The following ABCC1 variants were observed in gnomAD, a reference collection of about 807,000 sequenced individuals.
ABCC1 encodes multidrug resistance-associated protein 1.
In ABCC1, 83 loss-of-function variants were observed where a neutral mutation model predicts 172.9. The ratio of observed to expected loss-of-function variants is 0.48; its 90% CI spans 0.40 to 0.58. The LOEUF (loss-of-function observed/expected upper bound fraction) is 0.58, where lower values mean the gene tolerates loss of function less well. Among genes scored for constraint, ABCC1 ranks in the 20% least tolerant of loss-of-function variants. The probability of loss-of-function intolerance (pLI) is 0.00; values close to 1 mark genes in which losing one functional copy is unlikely to be tolerated. For synonymous variants in ABCC1, 937 were observed against 825.2 expected (o/e 1.14, Z -2.32); for missense variants, 1,817 against 2,002.7 (o/e 0.91, Z 1.77).
intron 4 of ABCC1, among the ~76,000 whole-genome samples, chr16:16,015,609 C>G (rs775326198): frequency 6.6e-6 from 1 of 152,318 alleles, no homozygotes; most frequent in African/African-American, 2.4e-5. Flanking sequence ...CAAAGTGCCT[C>G]GCAGGGGACT....
At chr16:16,126,672 A>G (rs2045451583) in intron 26 of ABCC1, among the ~76,000 whole-genome samples, 1 of 152,212 alleles carries the variant, frequency 6.6e-6, no homozygotes, top group Admixed American at 6.5e-5. Flanking sequence ...GGCGTGAGCC[A>G]CTGCGCCTGG....
intron 13 of ABCC1, 71 bp from the exon 14 acceptor site, chr16:16,071,571 A>G (rs2050349183): frequency 7.5e-7 from 1 of 1,329,300 alleles, no homozygotes. Context: ...AACCCTTGAA[A>G]GTTAACCTTG....
At chr16:16,043,678 A>G (rs1171175468) in intron 7 of ABCC1, among the ~76,000 whole-genome samples, 2 of 150,214 alleles carry the variant, frequency 1.3e-5, no homozygotes, top group Non-Finnish European at 3.0e-5. Context: ...CTCCACTCAC[A>G]GCAACCTCCA....
At chr16:15,968,732 T>A (rs1391658503) in intron 1 of ABCC1, among the ~76,000 whole-genome samples, 1 of 152,056 alleles carries the variant, frequency 6.6e-6, no homozygotes. Flanking sequence ...AACATATATA[T>A]GTGTATTTTG....
intron 5 of ABCC1, 82 bp from the exon 6 acceptor site, chr16:16,033,027 T>G: frequency 7.3e-7 from 1 of 1,370,392 alleles, no homozygotes. Context: ...AGCAGCTGAC[T>G]ACTTGCTAAG....
chr16:16,036,834 G>A (rs1026467474), intron 7 of ABCC1, among the ~76,000 whole-genome samples: 10 of 152,146 alleles, frequency 6.6e-5, no homozygotes, highest in Non-Finnish European at 1.2e-4. Flanking sequence ...AGCTGGGTGC[G>A]GTGGCTCTCG....
intron 23 of ABCC1, among the ~76,000 whole-genome samples, chr16:16,118,624 C>T (rs1442186106): frequency 1.3e-5 from 2 of 151,598 alleles, no homozygotes; most frequent in Non-Finnish European, 2.9e-5. Context: ...AATTAGAAGA[C>T]GCAGCTGTTG....
intron 1 of ABCC1, among the ~76,000 whole-genome samples, chr16:15,968,021 C>A (rs1354048295): frequency 3.9e-5 from 6 of 152,078 alleles, no homozygotes; most frequent in Admixed American, 6.6e-5. Context: ...AAAATCCCTT[C>A]TAGAGATAAT....
chr16:16,028,100 G>T (rs1171620053), intron 5 of ABCC1, among the ~76,000 whole-genome samples: 1 of 151,980 alleles, frequency 6.6e-6, no homozygotes, highest in African/African-American at 2.4e-5. Flanking sequence ...CACCCCTGCC[G>T]CCTTCCTTTT....
intron 24 of ABCC1, among the ~76,000 whole-genome samples, chr16:16,123,947 G>A (rs2045286106): frequency 6.6e-6 from 1 of 152,206 alleles, no homozygotes; most frequent in Non-Finnish European, 1.5e-5. Context: ...AACTTGGAAG[G>A]TTGAGGCGGC....
chr16:16,092,069 C>G (rs1319178060), intron 19 of ABCC1, among the ~76,000 whole-genome samples: 2 of 152,148 alleles, frequency 1.3e-5, no homozygotes, highest in Non-Finnish European at 2.9e-5. Flanking sequence ...GAAACCCTGT[C>G]TCTACTAAAA....
intron 19 of ABCC1, among the ~76,000 whole-genome samples, chr16:16,099,118 C>G (rs1424012202): frequency 1.3e-5 from 2 of 152,230 alleles, no homozygotes; most frequent in Non-Finnish European, 2.9e-5. Context: ...CCCCAGATCC[C>G]TTTATTGTCA....
intron 5 of ABCC1, among the ~76,000 whole-genome samples, chr16:16,027,477 C>G (rs2048414636): frequency 6.6e-6 from 1 of 152,056 alleles, no homozygotes; most frequent in Non-Finnish European, 1.5e-5. Context: ...GGTTTTTTCC[C>G]CCCCAAACAC....
At chr16:16,020,561 T>A (rs559404156) in intron 5 of ABCC1, among the ~76,000 whole-genome samples, 2 of 151,948 alleles carry the variant, frequency 1.3e-5, no homozygotes, top group African/African-American at 4.8e-5. Flanking sequence ...AGCAGTGGAG[T>A]TGTGTAGTTG....
chr16:15,982,102 A>G (rs567958175), intron 1 of ABCC1, among the ~76,000 whole-genome samples: 37 of 152,284 alleles, frequency 2.4e-4, no homozygotes, highest in Admixed American at 9.1e-4. Context: ...AAGTCATTCA[A>G]TAAGTCCCTA....
chr16:15,999,769 T>TTCTCTCTCTCCCTCTCTCTC (rs2047186883), intron 1 of ABCC1, among the ~76,000 whole-genome samples: 1 of 25,362 alleles, frequency 3.9e-5, no homozygotes, highest in African/African-American at 1.1e-4. Context: ...CCCGGCCTCT[T>TTCTCTCTCTCCCTCTCTCTC]TCTCTCTCTC....
At position 16,142,637 on chromosome 16, in the gene ABCC1, A is replaced by C. The variant is rs2046166377; in HGVS notation, c.*1356A>C. Reference sequence around the variant, plus strand: ...TTTAAGTACTGTTCCGGGGAGAAAAACAGTCTCAAAACTTGAACTTCTTGG... The same window carrying C: ...TTTAAGTACTGTTCCGGGGAGAAAACCAGTCTCAAAACTTGAACTTCTTGG... On this transcript the variant is annotated 3_prime_UTR_variant, in exon 31 of 31. Transcript: ENST00000399410. The C allele has an allele frequency of 6.6e-6, 1 of 152,094 alleles. No individual in the cohort carries two copies. Among genetic ancestry groups the C allele is most frequent in the Non-Finnish European group, 1.5e-5 (1 of 68,016 alleles). 9.4% of individuals were successfully genotyped at this position (152,094 alleles called of 1,614,324 possible).
intron 23 of ABCC1, 75 bp from the exon 24 acceptor site, chr16:16,121,900 T>C: frequency 6.5e-7 from 1 of 1,533,076 alleles, no homozygotes; most frequent in Non-Finnish European, 9.0e-7. Flanking sequence ...CTAGATGTTC[T>C]CCAGCACAGC....
At position 16,127,077 on chromosome 16, in the gene ABCC1, C is replaced by A. The variant is rs185158428; in HGVS notation, c.3819+1166C>A. 3.3e-5 allele frequency among the ~76,000 whole-genome samples: 5 copies of A among 152,274 alleles called. No individual in the cohort carries two copies. The East Asian group carries it at 9.6e-4, about 29-fold the overall frequency. ...CCCTGAACAGCAGCACAAGTAGGAACAGCAGTGATAATAGATAATCACAAT... is the reference window on the plus strand; with the variant it reads ...CCCTGAACAGCAGCACAAGTAGGAAAAGCAGTGATAATAGATAATCACAAT... On this transcript the variant is annotated intron_variant, in intron 26 of 30. Coordinates refer to ENST00000399410, the MANE Select transcript of ABCC1 (RefSeq NM_004996.4).
Sources: allele counts gnomAD v4.1 joint callset (sites outside exome capture counted in the v4.1 genomes callset), GRCh38; gene constraint gnomAD v4.1.1; transcripts MANE v1.5; gene names NCBI Gene and HGNC (gene_info 2026-07-23, HGNC 2026-07-21).